TCP10L: variants seen among roughly 807,000 people sequenced by gnomAD.
TCP10L encodes t-complex 10 like.
A neutral mutation model predicts 19.2 loss-of-function variants in TCP10L; 11 were observed. The observed-to-expected ratio is 0.57, with a 90% confidence interval of 0.36 to 0.95. The LOEUF (loss-of-function observed/expected upper bound fraction) is 0.95, where lower values mean the gene tolerates loss of function less well. Ranked by LOEUF, TCP10L falls within the 40% of genes least tolerant of loss-of-function variation. The pLI, the probability that TCP10L is intolerant of heterozygous loss-of-function variation, is 0.01. For missense variants in TCP10L, 247 were observed against 263.9 expected, an observed-to-expected ratio of 0.94 and a Z score of 0.44; for synonymous variants, 96 against 97.2, an observed-to-expected ratio of 0.99 and a Z score of 0.07.
At chr21:32,579,365 G>A (rs996404508) in intron 3 of TCP10L, among the ~76,000 whole-genome samples, 2 of 152,198 alleles carry the variant, frequency 1.3e-5, no homozygotes, top group Non-Finnish European at 2.9e-5. Context: ...ATGAGAAGGG[G>A]AGAGGGTTGC....
Position 32,574,587 on chromosome 21 carries a change from C to T in TCP10L, c.*2187G>A, listed in dbSNP as rs148238830. ...CTCAGCCCACCTACCTGCAGCTCTG[C>T]AATGTTTGGGGAAGAAGCAGTGAAC... is the stretch of plus-strand genomic sequence containing the variant. On this transcript the variant is annotated 3_prime_UTR_variant, in exon 5 of 5. Transcript: ENST00000300258. The T allele has an allele frequency of 1.3e-3, 230 of 172,398 alleles. 2 individuals are homozygous for T. Among genetic ancestry groups the T allele is most frequent in the African/African-American group, 5.2e-3 (217 of 41,956 alleles). The allele number at this position is 172,398 out of a possible 1,614,324, so 10.7% of individuals were successfully genotyped here. A position where few individuals can be genotyped will look rare whatever the true frequency, so the allele number is the denominator to read the frequency against.
chr21:32,580,297 G>C (rs542099365), intron 3 of TCP10L, among the ~76,000 whole-genome samples: 1 of 151,578 alleles, frequency 6.6e-6, no homozygotes. Flanking sequence ...TAGTAGAGAC[G>C]GGGTTTCACC....
In TCP10L at chr21:32,576,953, T is replaced by G. The variant is rs377319629; in HGVS notation, c.499-30A>C. 11 of 1,591,916 alleles carry G rather than the reference T, an allele frequency of 6.9e-6. No individual in the cohort carries two copies. In the African/African-American group the frequency reaches 1.4e-4, roughly 20 times the overall value. On this transcript the variant is annotated intron_variant, in intron 4 of 4. Coordinates refer to ENST00000300258, the MANE Select transcript of TCP10L (RefSeq NM_144659.7). ...AAACAAATGTGGGAATATTTTTGCATTAGTAACAATTATATTATTTTTAAA... is the reference window on the plus strand; with the variant it reads ...AAACAAATGTGGGAATATTTTTGCAGTAGTAACAATTATATTATTTTTAAA...
intron 2 of TCP10L, among the ~76,000 whole-genome samples, chr21:32,583,458 G>A (rs2038519807): frequency 1.3e-5 from 2 of 150,728 alleles, no homozygotes; most frequent in South Asian, 4.2e-4. Flanking sequence ...GCGTAGTGGC[G>A]GGCGCCTGTA....
At chr21:32,580,463 A>G (rs2038480816) in intron 3 of TCP10L, among the ~76,000 whole-genome samples, 2 of 135,602 alleles carry the variant, frequency 1.5e-5, no homozygotes, top group African/African-American at 6.0e-5. Flanking sequence ...TCTGGAATGT[A>G]TTCGGTGGGT....
Position 32,578,666 on chromosome 21 carries a change from T to C in TCP10L, c.498+28A>G, listed in dbSNP as rs754601568. 6.2e-7 allele frequency: 1 copy of C among 1,604,860 alleles called. No individual in the cohort carries two copies. The highest frequency in any genetic ancestry group is 1.1e-5 in the South Asian group (1 of 88,998). On this transcript the variant is annotated intron_variant, in intron 4 of 4. Transcript: ENST00000300258. The surrounding 1 kb of genome is among the most constrained non-coding windows in gnomAD (Gnocchi z 4.2). ...TTTGGGTACAGAACCTCTGCTTCTC[T>C]TTACAGATGATAAGCACAAAGGGTC...
Position 32,578,934 on chromosome 21 carries a change from G to A in TCP10L, c.361-103C>T, listed in dbSNP as rs1018621584. 1.5e-5 allele frequency: 24 copies of A among 1,562,478 alleles called. No homozygotes were observed. The African/African-American group carries it at 2.7e-4, about 18-fold the overall frequency. Reference sequence around the variant, plus strand: ...ATTGGAATGTCCTAGAAAAAAATAGGGTACAAGGTAGGGGGACTTGGACTG... The same window carrying A: ...ATTGGAATGTCCTAGAAAAAAATAGAGTACAAGGTAGGGGGACTTGGACTG... On this transcript the variant is annotated intron_variant, in intron 3 of 4. Transcript: ENST00000300258. This position sits in a 1 kb window ranked among gnomAD's most constrained non-coding sequence, Gnocchi z 4.2.
Position 32,578,803 on chromosome 21 carries a change from G to A in TCP10L, c.389C>T (p.Ser130Leu), listed in dbSNP as rs757517392. Residue 130 changes from serine (S) to leucine (L), a missense_variant, in exon 4 of 5, where the codon TCA becomes TTA. By Grantham distance (145) the Ser-to-Leu change is moderately radical. Transcript: ENST00000300258. The surrounding 1 kb of genome is among the most constrained non-coding windows in gnomAD (Gnocchi z 4.2). ...TGTCTCTTCATCAGCTGACAGAGGTGAAATTTTTCCAAAAGCAGGTTCCAA... is the reference window on the plus strand; with the variant it reads ...TGTCTCTTCATCAGCTGACAGAGGTAAAATTTTTCCAAAAGCAGGTTCCAA... ...LALEPAFGKI[S>L]PLSADEETIP... is the part of the protein sequence containing the mutation. 3.1e-6 allele frequency: 5 copies of A among 1,614,182 alleles called. No individual in the cohort carries two copies. The highest frequency in any genetic ancestry group is 3.4e-6 in the Non-Finnish European group (4 of 1,180,042).
chr21:32,580,612 T>C (rs182167885), intron 3 of TCP10L, among the ~76,000 whole-genome samples: 1 of 152,278 alleles, frequency 6.6e-6, no homozygotes, highest in East Asian at 1.9e-4. Flanking sequence ...GTTAGTACTT[T>C]TCTTAATCCA....
Position 32,576,641 on chromosome 21 carries a change from A to G in TCP10L, c.*133T>C. 2 of 942,654 alleles carry G rather than the reference A, an allele frequency of 2.1e-6. No homozygotes were observed. The highest frequency in any genetic ancestry group is 3.2e-6 in the Non-Finnish European group (2 of 632,166). The allele number at this position is 942,654 out of a possible 1,614,324, so 58.4% of individuals were successfully genotyped here. On this transcript the variant is annotated 3_prime_UTR_variant, in exon 5 of 5. Coordinates refer to ENST00000300258, the MANE Select transcript of TCP10L (RefSeq NM_144659.7). ...TTATCTATAGAAACATAATTAGTTTAATAAATTACTAGGTCTATTTTGAAT... is the reference window on the plus strand; with the variant it reads ...TTATCTATAGAAACATAATTAGTTTGATAAATTACTAGGTCTATTTTGAAT...
In TCP10L at chr21:32,575,657, G is replaced by A. The variant is rs1388401475; in HGVS notation, c.*1117C>T. 6.5e-6 allele frequency: 1 copy of A among 153,324 alleles called. No individual in the cohort carries two copies. The highest frequency in any genetic ancestry group is 1.5e-5 in the Non-Finnish European group (1 of 68,540). 9.5% of individuals were successfully genotyped at this position (153,324 alleles called of 1,614,324 possible). On this transcript the variant is annotated 3_prime_UTR_variant, in exon 5 of 5. Coordinates refer to ENST00000300258, the MANE Select transcript of TCP10L (RefSeq NM_144659.7). ...TTTACCAAGATAGGTTCCTGCAGAG[G>A]TCGTGAAGCTGCTGTGGTCATTTGC...
At chr21:32,583,469 G>A (rs996751956) in intron 2 of TCP10L, among the ~76,000 whole-genome samples, 34 of 150,718 alleles carry the variant, frequency 2.3e-4, no homozygotes, top group African/African-American at 7.7e-4. Context: ...GGCGCCTGTA[G>A]TCCCAGCTAC....
rs982165730 is a variant in TCP10L, at chr21:32,576,465, G to A, written c.*309C>T. ...GACCCCAGGGCTCACCCAACAGCCC[G>A]ACACTCCATACTACAAGGTGGGTTA... is the stretch of plus-strand genomic sequence containing the variant. On this transcript the variant is annotated 3_prime_UTR_variant, in exon 5 of 5. Transcript: ENST00000300258. The A allele has an allele frequency of 2.0e-5, 13 of 651,298 alleles. No individual in the cohort carries two copies. The highest frequency in any genetic ancestry group is 5.5e-5 in the African/African-American group (3 of 54,726). The allele number at this position is 651,298 out of a possible 1,614,324, so 40.3% of individuals were successfully genotyped here. A position where few individuals can be genotyped will look rare whatever the true frequency, so the allele number is the denominator to read the frequency against.
In TCP10L at chr21:32,576,809, G is replaced by C; in HGVS notation, c.613C>G (p.Pro205Ala). 6.2e-7 allele frequency: 1 copy of C among 1,614,038 alleles called. No homozygotes were observed. Among genetic ancestry groups the C allele is most frequent in the Non-Finnish European group, 8.5e-7 (1 of 1,180,008 alleles). The part of the protein sequence containing the change: ...QDRRATPTGR[P>A]TPCAERRGGV Reference sequence around the variant, plus strand: ...CCCCGTCTCTCTGCACAGGGAGTTGGCCTTCCAGTAGGTGTTGCTCTTCTG... The same window carrying C: ...CCCCGTCTCTCTGCACAGGGAGTTGCCCTTCCAGTAGGTGTTGCTCTTCTG... Residue 205 changes from proline to alanine, a missense_variant, in exon 5 of 5, where the codon CCA (proline) becomes GCA (alanine). By Grantham distance (27) the Pro-to-Ala change is conservative. Coordinates refer to ENST00000300258, the MANE Select transcript of TCP10L (RefSeq NM_144659.7).
rs147438820 is a variant in TCP10L at position 32,584,257 on chromosome 21, G to A, written c.48C>T (p.His16=). Residue 16 remains histidine (H), a synonymous_variant, in exon 2 of 5, where the codon CAC becomes CAT. Transcript: ENST00000300258. The part of the protein sequence containing the change: ...LEARDPKEGT[H]PEDPCPGAGA... ...CAGCTCCTGGGCACGGGTCCTCTGG[G>A]TGGGTGCCCTCTTTGGGGTCCCTGG... 17 of 1,614,026 alleles carry A rather than the reference G, an allele frequency of 1.1e-5. No homozygotes were observed. Among genetic ancestry groups the A allele is most frequent in the Non-Finnish European group, 1.1e-5 (13 of 1,180,022 alleles).
intron 3 of TCP10L, among the ~76,000 whole-genome samples, chr21:32,581,963 C>T (rs573036743): frequency 7.2e-5 from 11 of 152,280 alleles, no homozygotes; most frequent in Non-Finnish European, 1.5e-4. Flanking sequence ...ACTTGAGACA[C>T]ACGGCCTGGG....
At chr21:32,581,931 A>G (rs1247425019) in intron 3 of TCP10L, among the ~76,000 whole-genome samples, 1 of 152,168 alleles carries the variant, frequency 6.6e-6, no homozygotes, top group Non-Finnish European at 1.5e-5. Context: ...CTGAGACATC[A>G]TGAGATGTCT....
Position 32,582,673 on chromosome 21 carries a change from G to A in TCP10L, c.145-258C>T, listed in dbSNP as rs989144722. 2.0e-5 allele frequency among the ~76,000 whole-genome samples: 3 copies of A among 150,368 alleles called. 1 individual carries two copies. The highest frequency in any genetic ancestry group is 4.4e-5 in the Non-Finnish European group (3 of 67,472). ...AGTGGCATGATCTCAGCTCACTGAA[G>A]CTTCAACTTGATGAGCTCAAGCGAT... On this transcript the variant is annotated intron_variant, in intron 2 of 4. Transcript: ENST00000300258. This position sits in a 1 kb window ranked among gnomAD's most constrained non-coding sequence, Gnocchi z 4.2.
chr21:32,583,216 G>A (rs1026656945), intron 2 of TCP10L, among the ~76,000 whole-genome samples: 4 of 151,564 alleles, frequency 2.6e-5, no homozygotes, highest in Non-Finnish European at 5.9e-5. Flanking sequence ...TCTATTGTTA[G>A]TAGAGACAGG....
Sources: gnomAD v4.1 joint callset for allele counts (sites outside exome capture counted in the v4.1 genomes callset) on GRCh38, gnomAD v4.1.1 for gene constraint, Gnocchi (gnomAD v3.1) non-coding constraint, MANE v1.5 for transcripts, NCBI Gene and HGNC (gene_info 2026-07-23, HGNC 2026-07-21) for gene names.